CPSF6: variants seen among roughly 807,000 people sequenced by gnomAD.
The protein encoded by CPSF6 is cleavage and polyadenylation specificity factor subunit 6.
A neutral mutation model predicts 56.7 loss-of-function variants in CPSF6; 10 were observed. The observed-to-expected ratio is 0.18, with a 90% confidence interval of 0.11 to 0.30. The LOEUF is 0.30. Among genes scored for constraint, CPSF6 ranks in the 10% least tolerant of loss-of-function variants. The pLI is 1.00. For missense variants in CPSF6, 419 were observed against 722.9 expected (o/e 0.58, Z 4.82); for synonymous variants, 248 against 244.8 (o/e 1.01, Z -0.12).
In CPSF6 at chr12:69,242,984, T is replaced by C. The variant is rs542080469; in HGVS notation, c.60+3278T>C. Among the ~76,000 whole-genome samples, 6 of 152,158 alleles carry C rather than the reference T, an allele frequency of 3.9e-5. No homozygotes were observed. In the South Asian group the frequency reaches 1.0e-3, roughly 26 times the overall value. ...TTGGCCGAGTATGGTGGTGCCTGCCTGTAATCCCAGCTAATCAGTAAGCTA... is the reference window on the plus strand; with the variant it reads ...TTGGCCGAGTATGGTGGTGCCTGCCCGTAATCCCAGCTAATCAGTAAGCTA... On this transcript the variant is annotated intron_variant, in intron 1 of 9. Coordinates refer to ENST00000435070, the MANE Select transcript of CPSF6 (RefSeq NM_007007.3).
chr12:69,256,087 GCT>G (rs1237809449), intron 3 of CPSF6, among the ~76,000 whole-genome samples: 2 of 152,304 alleles, frequency 1.3e-5, no homozygotes, highest in East Asian at 1.9e-4. Flanking sequence ...AGTGGATGAA[GCT>G]TGAAAACATG....
At position 69,258,860 on chromosome 12, in the gene CPSF6, C is replaced by T; in HGVS notation, c.965C>T (p.Pro322Leu). ...PQQGPPPPPG[P>L]FPPRPPGPLG... is the part of the protein sequence containing the mutation. ...CAGGGACCACCTCCACCTCCAGGCCCCTTTCCACCTCGTCCACCCGGTCCA... is the reference window on the plus strand; with the variant it reads ...CAGGGACCACCTCCACCTCCAGGCCTCTTTCCACCTCGTCCACCCGGTCCA... The change falls in exon 6 of 10, where the codon CCC becomes CTC. Residue 322 changes from proline (P) to leucine (L), a missense_variant. By Grantham distance (98) the Pro-to-Leu change is moderately conservative. Coordinates refer to ENST00000435070, the MANE Select transcript of CPSF6 (RefSeq NM_007007.3). The surrounding 1 kb of genome is among the most constrained non-coding windows in gnomAD (Gnocchi z 4.2). 6.2e-7 allele frequency: 1 copy of T among 1,614,126 alleles called. No homozygotes were observed. Among genetic ancestry groups the T allele is most frequent in the Non-Finnish European group, 8.5e-7 (1 of 1,180,022 alleles).
intron 2 of CPSF6, among the ~76,000 whole-genome samples, chr12:69,252,528 TGTTAAAGA>T: frequency 6.6e-6 from 1 of 152,344 alleles, no homozygotes; most frequent in African/African-American, 2.4e-5. Context: ...TTTGTGACCT[TGTTAAAGA>T]GTTAAAGCTC....
rs1278946105 is a variant in CPSF6 at position 69,271,930 on chromosome 12, A to G, written c.*2422A>G. 6.6e-6 allele frequency: 1 copy of G among 151,736 alleles called. No homozygotes were observed. The highest frequency in any genetic ancestry group is 2.4e-5 in the African/African-American group (1 of 41,420). The allele number at this position is 151,736 out of a possible 1,614,324, so 9.4% of individuals were successfully genotyped here. A position where few individuals can be genotyped will look rare whatever the true frequency, so the allele number is the denominator to read the frequency against. On this transcript the variant is annotated 3_prime_UTR_variant, in exon 10 of 10. Transcript: ENST00000435070. ...GACCTTTTCATTTTTTCCTTAGTTA[A>G]TAACTGTAGTGGATGTGAAAACAAA...
rs1351755937 is a variant in CPSF6 at position 69,272,497 on chromosome 12, T to C, written c.*2989T>C. ...TGTGCCAATCTAAATACATACTGTT[T>C]TATACAATGAGATGCATTACAAGAC... On this transcript the variant is annotated 3_prime_UTR_variant, in exon 10 of 10. Transcript: ENST00000435070. 6.6e-6 allele frequency: 1 copy of C among 151,736 alleles called. No individual in the cohort carries two copies. The highest frequency in any genetic ancestry group is 2.4e-5 in the African/African-American group (1 of 41,410). The allele number at this position is 151,736 out of a possible 1,614,324, so 9.4% of individuals were successfully genotyped here. A position where few individuals can be genotyped will look rare whatever the true frequency, so the allele number is the denominator to read the frequency against.
At position 69,271,667 on chromosome 12, in the gene CPSF6, T is replaced by C. The variant is rs1873249325; in HGVS notation, c.*2159T>C. 1.3e-5 allele frequency: 2 copies of C among 151,728 alleles called. No homozygotes were observed. The highest frequency in any genetic ancestry group is 4.1e-4 in the South Asian group (2 of 4,834). The allele number at this position is 151,728 out of a possible 1,614,324, so 9.4% of individuals were successfully genotyped here. A position where few individuals can be genotyped will look rare whatever the true frequency, so the allele number is the denominator to read the frequency against. On this transcript the variant is annotated 3_prime_UTR_variant, in exon 10 of 10. Transcript: ENST00000435070. The stretch of plus-strand genomic sequence containing the variant: ...TTTGCTGCTAATCCGTTATTTTAAG[T>C]GTTGTCAGAAGGAAATAACTTCTTG...
intron 1 of CPSF6, among the ~76,000 whole-genome samples, chr12:69,239,991 A>G (rs1005131603): frequency 2.0e-5 from 3 of 150,320 alleles, no homozygotes; most frequent in Admixed American, 1.3e-4. Context: ...CTCGCTCCCT[A>G]TTGTTGGCGG....
intron 9 of CPSF6, among the ~76,000 whole-genome samples, chr12:69,263,228 TAA>T (rs1872826772): frequency 6.6e-6 from 1 of 152,056 alleles, no homozygotes; most frequent in African/African-American, 2.4e-5. Flanking sequence ...GATTTATATC[TAA>T]AAATTTTAAA....
intron 4 of CPSF6, among the ~76,000 whole-genome samples, chr12:69,257,188 G>C (rs902489465): frequency 3.3e-5 from 5 of 152,206 alleles, no homozygotes; most frequent in African/African-American, 4.8e-5. Flanking sequence ...GTATTATGGT[G>C]GGGGAGAGAT....
At chr12:69,240,116 C>A (rs1475714161) in intron 1 of CPSF6, among the ~76,000 whole-genome samples, 1 of 151,092 alleles carries the variant, frequency 6.6e-6, no homozygotes, top group African/African-American at 2.4e-5. Flanking sequence ...GAGGAGGAAG[C>A]CCTGGCGGGG....
intron 2 of CPSF6, 65 bp downstream of exon 2, chr12:69,251,403 T>C (rs555168127): frequency 4.7e-6 from 5 of 1,065,152 alleles, no homozygotes; most frequent in Admixed American, 4.9e-5. Flanking sequence ...TAGTAATTAA[T>C]GTTTTTCTCC....
Position 69,273,756 on chromosome 12 carries a change from G to C in CPSF6, c.*4248G>C, listed in dbSNP as rs890112885. On this transcript the variant is annotated 3_prime_UTR_variant, in exon 10 of 10. Transcript: ENST00000435070. ...GTATTTAATGGGAAAGGATCCTTTG[G>C]GTATAAATCATAATGTATTTTAAGG... 6.6e-6 allele frequency: 1 copy of C among 151,498 alleles called. No homozygotes were observed. Among genetic ancestry groups the C allele is most frequent in the Non-Finnish European group, 1.5e-5 (1 of 67,734 alleles). 9.4% of individuals were successfully genotyped at this position (151,498 alleles called of 1,614,324 possible).
intron 3 of CPSF6, among the ~76,000 whole-genome samples, chr12:69,254,397 C>G (rs1038369932): frequency 2.6e-5 from 4 of 152,170 alleles, no homozygotes; most frequent in African/African-American, 9.7e-5. Flanking sequence ...TTACTTTTCC[C>G]CCTCAAATAT....
rs530599503 is a variant in CPSF6, at chr12:69,248,007, G to A, written c.61-3122G>A. Among the ~76,000 whole-genome samples the A allele has an allele frequency of 3.3e-5, 5 of 152,268 alleles. No individual in the cohort carries two copies. In the South Asian group the frequency reaches 8.3e-4, roughly 25 times the overall value. On this transcript the variant is annotated intron_variant, in intron 1 of 9. Transcript: ENST00000435070. ...CAGGACCATGGTCTTAATTAGGATC[G>A]TACTACAACCACTTGGAAGCAGTAC... is the stretch of plus-strand genomic sequence containing the variant.
At chr12:69,242,108 A>G (rs375536310) in intron 1 of CPSF6, among the ~76,000 whole-genome samples, 1 of 152,156 alleles carries the variant, frequency 6.6e-6, no homozygotes, top group East Asian at 1.9e-4. Flanking sequence ...ACTAGTTGCT[A>G]TAGTAGACTA....
intron 7 of CPSF6, among the ~76,000 whole-genome samples, 171 bp downstream of exon 7, chr12:69,259,714 G>T (rs1592806335): frequency 6.6e-6 from 1 of 152,198 alleles, no homozygotes; most frequent in East Asian, 1.9e-4. Flanking sequence ...GTGTCACAGT[G>T]TAGTGGGGAA....
Position 69,251,120 on chromosome 12 carries a change from G to GT in CPSF6, c.61-8dup, listed in dbSNP as rs751120115. 6.1e-5 allele frequency: 98 copies of GT among 1,603,930 alleles called. No individual in the cohort carries two copies. The African/African-American group carries it at 1.3e-3, about 21-fold the overall frequency. ...TTGTATAATCTAGAGCATTATTTCT[G>GT]TATCTCAGGAAGCTGAATATGGTGG... On this transcript the variant is annotated splice_polypyrimidine_tract_variant and intron_variant, in intron 1 of 9. Transcript: ENST00000435070.
chr12:69,255,051 C>T (rs887363634), intron 3 of CPSF6: 9 of 152,216 alleles, frequency 5.9e-5, no homozygotes, highest in African/African-American at 1.9e-4. Flanking sequence ...AGCAGTCACT[C>T]CCATTTCCTC....
chr12:69,253,252 A>G, intron 3 of CPSF6, 98 bp downstream of exon 3: 1 of 599,102 alleles, frequency 1.7e-6, no homozygotes, highest in East Asian at 3.0e-5. Flanking sequence ...ACATGTATAC[A>G]CATGTATACA....
Sources: gnomAD v4.1 joint callset for allele counts (sites outside exome capture counted in the v4.1 genomes callset) on GRCh38, gnomAD v4.1.1 for gene constraint, Gnocchi (gnomAD v3.1) non-coding constraint, MANE v1.5 for transcripts, NCBI Gene and HGNC (gene_info 2026-07-23, HGNC 2026-07-21) for gene names.